Variants in NFE2 observed in about 807,000 individuals in gnomAD.
NFE2 encodes nuclear factor, erythroid 2.
A neutral mutation model predicts 25.8 loss-of-function variants in NFE2; 13 were observed. That is an observed-to-expected ratio of 0.50 (90% CI 0.33 to 0.80). NFE2 has a LOEUF of 0.80. Ranked by LOEUF, NFE2 falls within the 30% of genes least tolerant of loss-of-function variation. The pLI, the probability that NFE2 is intolerant of heterozygous loss-of-function variation, is 0.02. For synonymous variants in NFE2, 204 were observed against 200.2 expected (o/e 1.02, Z -0.16); for missense variants, 382 against 478.9 (o/e 0.80, Z 1.89).
intron 1 of NFE2, among the ~76,000 whole-genome samples, chr12:54,297,049 C>T (rs547441738): frequency 6.6e-6 from 1 of 152,046 alleles, no homozygotes; most frequent in East Asian, 1.9e-4. Flanking sequence ...ACAGACATAC[C>T]GTGCCATATC....
intron 1 of NFE2, chr12:54,295,627 AT>A (rs1198130348): frequency 5.3e-6 from 1 of 190,198 alleles, no homozygotes; most frequent in Non-Finnish European, 1.1e-5. Flanking sequence ...GCAGAGTCAG[AT>A]CTTCTGTTTT....
chr12:54,297,529 G>A (rs1334953811), intron 1 of NFE2, among the ~76,000 whole-genome samples: 1 of 150,516 alleles, frequency 6.6e-6, no homozygotes, highest in Non-Finnish European at 1.5e-5. Context: ...GCCAGGCTTG[G>A]TGGTGGGCGC....
chr12:54,296,266 G>T (rs1176282047), intron 1 of NFE2, among the ~76,000 whole-genome samples: 2 of 151,936 alleles, frequency 1.3e-5, no homozygotes, highest in Non-Finnish European at 2.9e-5. Context: ...TTAGCTGGGC[G>T]TGGTGGGGTG....
Position 54,293,488 on chromosome 12 carries a change from A to T in NFE2, c.115-107T>A, listed in dbSNP as rs529156164. ...CTGAAAGTCGCAGTGAGGTAGTAAC[A>T]AGGAAACAAAGTTGCCACAAATCAC... On this transcript the variant is annotated intron_variant, in intron 2 of 2. Transcript: ENST00000435572. 3.3e-5 allele frequency: 41 copies of T among 1,251,062 alleles called. No individual in the cohort carries two copies. The South Asian group carries it at 7.8e-4, about 24-fold the overall frequency. The allele number at this position is 1,251,062 out of a possible 1,614,324, so 77.5% of individuals were successfully genotyped here. A position where few individuals can be genotyped will look rare whatever the true frequency, so the allele number is the denominator to read the frequency against.
chr12:54,299,922 G>C (rs1172280784), intron 1 of NFE2, among the ~76,000 whole-genome samples: 4 of 152,096 alleles, frequency 2.6e-5, no homozygotes, highest in African/African-American at 7.2e-5. Context: ...CCCGAAGAGA[G>C]AGAGACACAC....
intron 1 of NFE2, chr12:54,295,702 CCT>C (rs1254812292): frequency 5.9e-6 from 1 of 170,512 alleles, no homozygotes; most frequent in Non-Finnish European, 1.3e-5. Context: ...CTGCTTTCCT[CCT>C]CTGTCCTCAG....
chr12:54,294,310 T>A (rs1045255656), intron 2 of NFE2, among the ~76,000 whole-genome samples: 1 of 151,914 alleles, frequency 6.6e-6, no homozygotes, highest in Non-Finnish European at 1.5e-5. Context: ...TTATCCAAGA[T>A]GACCCCTCAG....
chr12:54,297,119 C>T (rs1944378783), intron 1 of NFE2, among the ~76,000 whole-genome samples: 3 of 151,936 alleles, frequency 2.0e-5, no homozygotes, highest in African/African-American at 7.3e-5. Context: ...CTTTGGGAGG[C>T]CAAGGTGGAA....
intron 1 of NFE2, among the ~76,000 whole-genome samples, chr12:54,299,419 G>A (rs150303836): frequency 1.3e-5 from 2 of 152,276 alleles, no homozygotes; most frequent in Middle Eastern, 3.4e-3. Context: ...ACAATAAGAA[G>A]CTCCCACTTT....
intron 1 of NFE2, 147 bp from the exon 2 acceptor site, chr12:54,295,451 C>T (rs1944364136): frequency 1.9e-6 from 1 of 537,954 alleles, no homozygotes; most frequent in African/African-American, 1.9e-5. Context: ...ATTCATCAAT[C>T]CCTTAAGATG....
chr12:54,292,735 A>G lies in NFE2; in HGVS notation c.761T>C (p.Leu254Ser). ...GCTCTCTGTCAGCGGGTACCTTGCC[A>G]ATAGCTCATTAAAGTCATCTACCGG... ...NLPVDDFNELLARYPLTESQL... is the reference protein window; with the variant it reads ...NLPVDDFNELSARYPLTESQL... Residue 254 changes from leucine to serine, a missense_variant, in exon 3 of 3, where the codon TTG becomes TCG. Transcript: ENST00000435572. 6.2e-7 allele frequency: 1 copy of G among 1,614,180 alleles called. No individual in the cohort carries two copies. Among genetic ancestry groups the G allele is most frequent in the Non-Finnish European group, 8.5e-7 (1 of 1,180,030 alleles).
intron 1 of NFE2, among the ~76,000 whole-genome samples, chr12:54,296,275 T>TG (rs937896632): frequency 6.6e-6 from 1 of 151,588 alleles, no homozygotes; most frequent in Non-Finnish European, 1.5e-5. Flanking sequence ...CGTGGTGGGG[T>TG]GGCACATGTC....
At chr12:54,299,788 G>A (rs546504104) in intron 1 of NFE2, among the ~76,000 whole-genome samples, 1 of 152,214 alleles carries the variant, frequency 6.6e-6, no homozygotes, top group African/African-American at 2.4e-5. Flanking sequence ...CTTTTCTGAG[G>A]CTTATTTGAC....
chr12:54,297,016 A>G (rs1415468944), intron 1 of NFE2, among the ~76,000 whole-genome samples: 1 of 152,038 alleles, frequency 6.6e-6, no homozygotes, highest in Non-Finnish European at 1.5e-5. Context: ...CTACGGTCAG[A>G]CATTGTGTCT....
chr12:54,298,507 CA>C (rs1180692795), intron 1 of NFE2, among the ~76,000 whole-genome samples: 349 of 35,616 alleles, frequency 9.8e-3, no homozygotes, highest in East Asian at 0.066. Context: ...AACTCCACAT[CA>C]AAAAAAAAAA....
intron 2 of NFE2, 96 bp from the exon 3 acceptor site, chr12:54,293,477 G>A (rs1944340613): frequency 2.3e-6 from 3 of 1,319,540 alleles, no homozygotes; most frequent in East Asian, 2.6e-5. Context: ...AAGTCGCAGT[G>A]AGGTAGTAAC....
At chr12:54,300,745 C>G (rs1944416386) in intron 1 of NFE2, 56 bp downstream of exon 1, 1 of 148,950 alleles carries the variant, frequency 6.7e-6, no homozygotes, top group African/African-American at 2.5e-5. Context: ...CCCCAGCCTG[C>G]CCCTCGGATC....
rs368351144 is a variant in NFE2, at chr12:54,292,859, G to A, written c.637C>T (p.Arg213Trp). The A allele has an allele frequency of 3.1e-5, 50 of 1,613,954 alleles. No homozygotes were observed. The Admixed American group carries it at 6.7e-4, about 22-fold the overall frequency. Reference protein sequence around the residue: ...LALEPSSGPVRAKPTARGEAG... With the variant: ...LALEPSSGPVWAKPTARGEAG... ...TCCCCCCGTGCAGTGGGCTTAGCCC[G>A]CACAGGGCCTGAGGAGGGCTCTAAG... Residue 213 changes from arginine to tryptophan, a missense_variant, in exon 3 of 3, where the codon CGG becomes TGG. Coordinates refer to ENST00000435572, the MANE Select transcript of NFE2 (RefSeq NM_001136023.3).
At position 54,295,123 on chromosome 12, in the gene NFE2, C is replaced by T; in HGVS notation, c.114+12G>A. On this transcript the variant is annotated intron_variant, in intron 2 of 2. Transcript: ENST00000435572. ...ACACACGGCCTCCCCTGCCCTATCC[C>T]CCCTTACTCACCTGCAGCTCGGTGA... 1 of 1,610,522 alleles carries T rather than the reference C, an allele frequency of 6.2e-7. No homozygotes were observed. Among genetic ancestry groups the T allele is most frequent in the Non-Finnish European group, 8.5e-7 (1 of 1,176,854 alleles).
Sources: allele counts gnomAD v4.1 joint callset (sites outside exome capture counted in the v4.1 genomes callset), GRCh38; gene constraint gnomAD v4.1.1; transcripts MANE v1.5; gene names NCBI Gene and HGNC (gene_info 2026-07-23, HGNC 2026-07-21).